The following PHF21A variants were observed in gnomAD, a reference collection of about 807,000 sequenced individuals.
The protein encoded by PHF21A is PHD finger protein 21A.
PHF21A carries 11 observed loss-of-function variants against 82.5 expected under a neutral mutation model. That is an observed-to-expected ratio of 0.13 (90% CI 0.08 to 0.22). The LOEUF (loss-of-function observed/expected upper bound fraction) is 0.22. PHF21A is among the 10% of genes least tolerant of loss of function. The pLI is 1.00. For missense variants in PHF21A, 579 were observed against 837.8 expected (o/e 0.69, Z 3.81); for synonymous variants, 297 against 302.8 (o/e 0.98, Z 0.20).
intron 1 of PHF21A, among the ~76,000 whole-genome samples, chr11:46,115,306 T>C (rs1350887850): frequency 1.3e-5 from 2 of 152,162 alleles, no homozygotes; most frequent in African/African-American, 4.8e-5. Flanking sequence ...TAAGACTGAA[T>C]TGAGGGACAA....
At chr11:46,008,109 A>G (rs1365387014) in intron 6 of PHF21A, among the ~76,000 whole-genome samples, 2 of 152,112 alleles carry the variant, frequency 1.3e-5, no homozygotes, top group South Asian at 4.1e-4. Flanking sequence ...AAACTATCCC[A>G]TTTTCTATTT....
chr11:46,003,798 A>C lies in PHF21A; in HGVS notation c.154-23832T>G, dbSNP rs893712788. ...TTAAAAGCTTCATTACACTCTGCAG[A>C]CATTTGCCCTTCATCAATTGCTTCC... On this transcript the variant is annotated intron_variant, in intron 6 of 18. Transcript: ENST00000676320. 8.4e-4 allele frequency among the ~76,000 whole-genome samples: 128 copies of C among 152,204 alleles called. 1 individual carries two copies. Among genetic ancestry groups the C allele is most frequent in the African/African-American group, 3.0e-3 (124 of 41,456 alleles).
intron 11 of PHF21A, 120 bp downstream of exon 11, chr11:45,953,407 G>A (rs1419028910): frequency 5.8e-6 from 4 of 691,022 alleles, no homozygotes; most frequent in African/African-American, 5.3e-5. Context: ...AATAATAAAA[G>A]TGCATAAGAA....
intron 6 of PHF21A, among the ~76,000 whole-genome samples, chr11:46,025,791 T>A (rs981681610): frequency 6.6e-6 from 1 of 152,194 alleles, no homozygotes; most frequent in African/African-American, 2.4e-5. Flanking sequence ...GTCATAGGCA[T>A]AATATGGCTT....
At chr11:46,018,949 G>A (rs756653683) in intron 6 of PHF21A, among the ~76,000 whole-genome samples, 2 of 152,076 alleles carry the variant, frequency 1.3e-5, no homozygotes, top group Non-Finnish European at 2.9e-5. Flanking sequence ...GTATCATACC[G>A]TAAGCAGCAA....
intron 1 of PHF21A, among the ~76,000 whole-genome samples, chr11:46,102,858 T>A (rs955192120): frequency 3.3e-5 from 5 of 152,220 alleles, no homozygotes; most frequent in Non-Finnish European, 5.9e-5. Flanking sequence ...GCTCAGTATC[T>A]CCCTGTTTAA....
chr11:45,963,147 C>T (rs2959088), intron 10 of PHF21A, among the ~76,000 whole-genome samples: 133,729 of 152,052 alleles, frequency 0.88, 59,024 homozygotes, highest in East Asian at 1. Context: ...GGGCCGGGTG[C>T]GGTGGCTCAC....
intron 1 of PHF21A, among the ~76,000 whole-genome samples, chr11:46,117,749 C>T (rs1241657889): frequency 6.6e-6 from 1 of 152,192 alleles, no homozygotes; most frequent in African/African-American, 2.4e-5. Flanking sequence ...CAACATCCCA[C>T]TCATCAACAC....
intron 6 of PHF21A, among the ~76,000 whole-genome samples, chr11:46,010,967 CTCTT>C (rs1442148553): frequency 6.6e-6 from 1 of 152,134 alleles, no homozygotes; most frequent in African/African-American, 2.4e-5. Context: ...AAAAAACTTT[CTCTT>C]TCTCTCTCTC....
intron 6 of PHF21A, among the ~76,000 whole-genome samples, chr11:46,018,060 C>G (rs1053886479): frequency 8.6e-5 from 13 of 151,852 alleles, no homozygotes; most frequent in African/African-American, 3.1e-4. Context: ...ACCATCCCGG[C>G]TAAAACGGTG....
chr11:46,058,011 C>T (rs1161936868), intron 6 of PHF21A, among the ~76,000 whole-genome samples: 1 of 152,108 alleles, frequency 6.6e-6, no homozygotes, highest in East Asian at 1.9e-4. Flanking sequence ...AACGTTTTTC[C>T]GTCAGTTAAG....
chr11:46,010,209 T>A (rs2095383931), intron 6 of PHF21A, among the ~76,000 whole-genome samples: 1 of 152,162 alleles, frequency 6.6e-6, no homozygotes, highest in Non-Finnish European at 1.5e-5. Flanking sequence ...CTAAAGAAAA[T>A]TAATAATGGA....
intron 14 of PHF21A, 63 bp from the exon 15 acceptor site, chr11:45,946,066 T>A (rs1275610935): frequency 6.2e-7 from 1 of 1,613,704 alleles, no homozygotes; most frequent in South Asian, 1.1e-5. Flanking sequence ...GGGAAAATGA[T>A]CTTACATACC....
At chr11:45,961,883 A>G (rs956023137) in intron 10 of PHF21A, among the ~76,000 whole-genome samples, 3 of 152,214 alleles carry the variant, frequency 2.0e-5, no homozygotes, top group African/African-American at 4.8e-5. Flanking sequence ...AGCTTCAAAG[A>G]TTTTTAAACC....
intron 6 of PHF21A, among the ~76,000 whole-genome samples, chr11:46,013,555 C>A (rs2095453584): frequency 1.3e-5 from 2 of 152,182 alleles, no homozygotes. Context: ...ACTGATCTCT[C>A]CCCATCTAAA....
Position 46,121,204 on chromosome 11 carries a change from G to C in PHF21A, c.-506C>G, listed in dbSNP as rs1471054426. 2 of 30,600 alleles carry C rather than the reference G, an allele frequency of 6.5e-5. No homozygotes were observed. The allele number at this position is 30,600 out of a possible 1,614,324, so 1.9% of individuals were successfully genotyped here. On this transcript the variant is annotated 5_prime_UTR_variant, in exon 1 of 19. Transcript: ENST00000676320. ...TCACTCTCTCTCTCTCTCTCTCTCT[G>C]GGCTGTTTCTTTCCTCCTCTTCCCC...
At chr11:46,078,402 TAA>T (rs1429619947) in intron 5 of PHF21A, among the ~76,000 whole-genome samples, 1 of 152,196 alleles carries the variant, frequency 6.6e-6, no homozygotes, top group Non-Finnish European at 1.5e-5. Flanking sequence ...TGATATTTGA[TAA>T]ACACTCTCCA....
chr11:46,036,694 T>C (rs2096011409), intron 6 of PHF21A, among the ~76,000 whole-genome samples: 1 of 152,226 alleles, frequency 6.6e-6, no homozygotes, highest in African/African-American at 2.4e-5. Flanking sequence ...TGTTATTTCC[T>C]CACAGAGTAC....
intron 6 of PHF21A, among the ~76,000 whole-genome samples, chr11:46,062,600 C>T (rs968238730): frequency 3.9e-5 from 6 of 152,092 alleles, no homozygotes; most frequent in African/African-American, 1.4e-4. Context: ...ATTCTCTTGG[C>T]CTGTTCTGAC....
Sources: allele counts gnomAD v4.1 joint callset (sites outside exome capture counted in the v4.1 genomes callset), GRCh38; gene constraint gnomAD v4.1.1; transcripts MANE v1.5; gene names NCBI Gene and HGNC (gene_info 2026-07-23, HGNC 2026-07-21).